The following IQSEC1 variants were observed in gnomAD, a reference collection of about 807,000 sequenced individuals.
IQSEC1 encodes the protein IQ motif and SEC7 domain-containing protein 1.
Under a neutral mutation model 91.0 loss-of-function variants are expected in IQSEC1, and 31 were observed. That is an observed-to-expected ratio of 0.34 (90% CI 0.26 to 0.46). IQSEC1 has a LOEUF of 0.46. Among genes scored for constraint, IQSEC1 ranks in the 20% least tolerant of loss-of-function variants. The pLI is 1.00. For missense variants in IQSEC1, 1,388 were observed against 1,575.6 expected (o/e 0.88, Z 2.02); for synonymous variants, 699 against 662.6 (o/e 1.05, Z -0.84).
intron 1 of IQSEC1, among the ~76,000 whole-genome samples, chr3:12,954,467 T>C (rs1576031284): frequency 6.6e-6 from 1 of 152,116 alleles, no homozygotes. Flanking sequence ...GCACAGGGCG[T>C]CTGATGGGGG....
intron 2 of IQSEC1, among the ~76,000 whole-genome samples, chr3:13,111,280 C>T (rs1706240438): frequency 6.6e-6 from 1 of 152,202 alleles, no homozygotes; most frequent in African/African-American, 2.4e-5. Context: ...TTAGAGAGAG[C>T]TGTAATGCCT....
intron 1 of IQSEC1, among the ~76,000 whole-genome samples, chr3:13,055,854 G>A (rs1333367476): frequency 6.6e-6 from 1 of 152,196 alleles, no homozygotes; most frequent in East Asian, 1.9e-4. Flanking sequence ...TGGGGTGCAG[G>A]GTCCAGGCCC....
intron 1 of IQSEC1, among the ~76,000 whole-genome samples, chr3:13,041,806 G>A (rs938722316): frequency 1.7e-4 from 26 of 152,208 alleles, no homozygotes; most frequent in South Asian, 2.1e-4. Context: ...GCCCAAGATC[G>A]CGCAGCCAGG....
At chr3:13,150,970 C>T (rs767678296) in intron 2 of IQSEC1, among the ~76,000 whole-genome samples, 43 of 152,222 alleles carry the variant, frequency 2.8e-4, no homozygotes, top group Non-Finnish European at 5.9e-4. Flanking sequence ...TCCCTCATGG[C>T]CCTGTCATCC....
intron 1 of IQSEC1, among the ~76,000 whole-genome samples, chr3:13,189,254 C>T (rs547100057): frequency 7.9e-5 from 12 of 152,342 alleles, no homozygotes; most frequent in African/African-American, 2.9e-4. Flanking sequence ...GGACCTCTGA[C>T]CCAGTTTCTT....
At chr3:13,028,496 G>T (rs1703716417) in intron 1 of IQSEC1, among the ~76,000 whole-genome samples, 1 of 152,246 alleles carries the variant, frequency 6.6e-6, no homozygotes, top group African/African-American at 2.4e-5. Context: ...CTGTTTGGGG[G>T]ATGTTTTTCC....
intron 6 of IQSEC1, among the ~76,000 whole-genome samples, chr3:12,919,638 T>C (rs1696427015): frequency 6.6e-6 from 1 of 152,254 alleles, no homozygotes; most frequent in African/African-American, 2.4e-5. Flanking sequence ...GGCTCTTCTT[T>C]GCTGTTACAA....
At chr3:13,270,152 G>C (rs1221652728) in intron 1 of IQSEC1, among the ~76,000 whole-genome samples, 1 of 152,212 alleles carries the variant, frequency 6.6e-6, no homozygotes, top group Non-Finnish European at 1.5e-5. Context: ...ATACCACTGA[G>C]TATTCCATTA....
chr3:13,275,619 G>A (rs1359669295), intron 1 of IQSEC1, among the ~76,000 whole-genome samples: 3 of 152,174 alleles, frequency 2.0e-5, no homozygotes, highest in Non-Finnish European at 2.9e-5. Flanking sequence ...CGTCCTCCAG[G>A]AAGCCTCTGC....
intron 1 of IQSEC1, among the ~76,000 whole-genome samples, chr3:12,961,449 T>C (rs552930584): frequency 6.6e-6 from 1 of 152,374 alleles, no homozygotes; most frequent in South Asian, 2.1e-4. Flanking sequence ...CATCCACTTC[T>C]TTGTGGGCTG....
At chr3:13,209,603 C>T (rs567005813) in intron 1 of IQSEC1, among the ~76,000 whole-genome samples, 1 of 152,304 alleles carries the variant, frequency 6.6e-6, no homozygotes, top group African/African-American at 2.4e-5. Flanking sequence ...CTAGGCTCTC[C>T]CTGCAGCACA....
chr3:13,105,097 G>A (rs1706131153), intron 2 of IQSEC1, among the ~76,000 whole-genome samples: 1 of 152,172 alleles, frequency 6.6e-6, no homozygotes, highest in South Asian at 2.1e-4. Flanking sequence ...TCTGCCCTGT[G>A]CAGTGTGAAC....
intron 1 of IQSEC1, among the ~76,000 whole-genome samples, chr3:13,272,902 AGAG>A (rs1391095388): frequency 6.6e-6 from 1 of 152,242 alleles, no homozygotes; most frequent in Non-Finnish European, 1.5e-5. Context: ...TTAACTATGC[AGAG>A]AAGTGGGTAG....
chr3:12,899,870 G>A lies in IQSEC1; in HGVS notation c.*1113C>T. The A allele has an allele frequency of 1.0e-6, 1 of 985,210 alleles. No individual in the cohort carries two copies. Among genetic ancestry groups the A allele is most frequent in the Non-Finnish European group, 1.2e-6 (1 of 829,888 alleles). 61.0% of individuals were successfully genotyped at this position (985,210 alleles called of 1,614,324 possible). A position where few individuals can be genotyped will look rare whatever the true frequency, so the allele number is the denominator to read the frequency against. On this transcript the variant is annotated 3_prime_UTR_variant, in exon 14 of 14. Coordinates refer to ENST00000613206, the MANE Select transcript of IQSEC1 (RefSeq NM_001134382.3). Reference sequence around the variant, plus strand: ...TGTTGGGGAGACGAGGATGAGAGCTGGTCACTTTCATGTTGGAGATGAACA... The same window carrying A: ...TGTTGGGGAGACGAGGATGAGAGCTAGTCACTTTCATGTTGGAGATGAACA...
intron 1 of IQSEC1, among the ~76,000 whole-genome samples, chr3:13,010,758 C>T (rs1160100294): frequency 6.6e-6 from 1 of 152,200 alleles, no homozygotes; most frequent in East Asian, 1.9e-4. Context: ...CCTGGCGGCT[C>T]CTTCATGCCT....
At chr3:13,128,094 T>C (rs1706548267) in intron 2 of IQSEC1, among the ~76,000 whole-genome samples, 1 of 152,222 alleles carries the variant, frequency 6.6e-6, no homozygotes, top group African/African-American at 2.4e-5. Context: ...TCATTGTAGA[T>C]AATTGTGTTA....
In IQSEC1 at chr3:13,260,299, T is replaced by TATG. The variant is rs1166609208; in HGVS notation, c.272+22409_272+22411dup. Among the ~76,000 whole-genome samples the TATG allele has an allele frequency of 3.9e-5, 6 of 152,260 alleles. No individual in the cohort carries two copies. In the East Asian group the frequency reaches 1.2e-3, roughly 29 times the overall value. On this transcript the variant is annotated intron_variant, in intron 1 of 15. Coordinates refer to the IQSEC1 transcript ENST00000648114. ...GCTGCTTGGAAGCCAACCAGAAAGGTATGGGGTTGCCTAACTCCCAGGTTG... is the reference window on the plus strand; with the variant it reads ...GCTGCTTGGAAGCCAACCAGAAAGGTATGATGGGGTTGCCTAACTCCCAGGTTG...
At chr3:13,144,348 C>T (rs1047783920) in intron 2 of IQSEC1, among the ~76,000 whole-genome samples, 7 of 152,158 alleles carry the variant, frequency 4.6e-5, no homozygotes, top group East Asian at 1.9e-4. Context: ...ATCTGGTCAC[C>T]GCCACGTGGC....
intron 3 of IQSEC1, among the ~76,000 whole-genome samples, chr3:12,930,386 C>G (rs529266532): frequency 6.6e-6 from 1 of 152,214 alleles, no homozygotes; most frequent in Non-Finnish European, 1.5e-5. Flanking sequence ...CTAGCTTCAG[C>G]CCCCAGGTTT....
Sources: gnomAD v4.1 joint callset for allele counts (sites outside exome capture counted in the v4.1 genomes callset) on GRCh38, gnomAD v4.1.1 for gene constraint, MANE v1.5 for transcripts, NCBI Gene and HGNC (gene_info 2026-07-23, HGNC 2026-07-21) for gene names.